Variants in SCN10A observed in about 807,000 individuals in gnomAD.
The protein encoded by SCN10A is sodium channel protein type 10 subunit alpha.
In SCN10A, 162 loss-of-function variants were observed where a neutral mutation model predicts 170.7. The observed-to-expected ratio is 0.95, with a 90% confidence interval of 0.84 to 1.08. The LOEUF is 1.08. SCN10A is among the 50% of genes least tolerant of loss of function. SCN10A has a pLI of 0.00. For missense variants in SCN10A, 2,527 were observed against 2,436.9 expected, an observed-to-expected ratio of 1.04 and a Z score of -0.78; for synonymous variants, 985 against 904.6, an observed-to-expected ratio of 1.09 and a Z score of -1.59.
intron 4 of SCN10A, among the ~76,000 whole-genome samples, chr3:38,772,837 A>G (rs2064025573): frequency 6.6e-6 from 1 of 152,246 alleles, no homozygotes; most frequent in Non-Finnish European, 1.5e-5. Context: ...GTACCTTCAA[A>G]GACAAAATGG....
intron 1 of SCN10A, among the ~76,000 whole-genome samples, chr3:38,798,465 A>C (rs1255871955): frequency 6.6e-6 from 1 of 152,178 alleles, no homozygotes; most frequent in Admixed American, 6.6e-5. Context: ...CTTAATTGGG[A>C]ATCCCTATTT....
In SCN10A at chr3:38,697,883, T is replaced by G. The variant is rs773667417; in HGVS notation, c.5337A>C (p.Lys1779Asn). The G allele has an allele frequency of 2.5e-6, 4 of 1,613,802 alleles. No individual in the cohort carries two copies. The Admixed American group carries it at 6.7e-5, about 27-fold the overall frequency. Reference protein sequence around the residue: ...DTLSGPLRIPKPNRNILIQMD... With the variant: ...DTLSGPLRIPNPNRNILIQMD... ...TCTGGATCAGTATATTTCGATTGGG[T>G]TTTGGGATTCTCAGGGGACCAGAGA... Residue 1779 changes from lysine to asparagine, a missense_variant, in exon 28 of 28, where the codon AAA becomes AAC. By Grantham distance (94) the Lys-to-Asn change is moderately conservative. Coordinates refer to ENST00000449082, the MANE Select transcript of SCN10A (RefSeq NM_006514.4).
At chr3:38,737,842 T>TTTCTTTC (rs2063586745) in intron 15 of SCN10A, among the ~76,000 whole-genome samples, 2 of 145,790 alleles carry the variant, frequency 1.4e-5, no homozygotes, top group African/African-American at 5.0e-5. Flanking sequence ...CTCTTTCTTC[T>TTTCTTTC]TTCTTTCTTT....
intron 4 of SCN10A, among the ~76,000 whole-genome samples, chr3:38,777,028 T>C (rs1402540546): frequency 6.6e-6 from 1 of 151,980 alleles, no homozygotes; most frequent in Non-Finnish European, 1.5e-5. Flanking sequence ...AAAAAATTGA[T>C]ATAAAAAGTA....
chr3:38,742,439 T>C lies in SCN10A; in HGVS notation c.1958A>G (p.Lys653Arg). The stretch of plus-strand genomic sequence containing the variant: ...AAGCCCAAAGAGAATTGTCTTGAGC[T>C]TCACCCACATGGGGCAGCAATCCCA... ...LIWDCCPMWV[K>R]LKTILFGLVT... The change falls in exon 14 of 28, where the codon AAG (lysine) becomes AGG (arginine). Residue 653 changes from lysine to arginine, a missense_variant. Lys to Arg is a conservative substitution (Grantham distance 26). Coordinates refer to ENST00000449082, the MANE Select transcript of SCN10A (RefSeq NM_006514.4). 6.2e-7 allele frequency: 1 copy of C among 1,614,156 alleles called. No homozygotes were observed. The highest frequency in any genetic ancestry group is 8.5e-7 in the Non-Finnish European group (1 of 1,180,020).
At chr3:38,787,565 G>GT (rs918241973) in intron 4 of SCN10A, among the ~76,000 whole-genome samples, 19 of 149,140 alleles carry the variant, frequency 1.3e-4, no homozygotes, top group Middle Eastern at 3.2e-3. Flanking sequence ...GACATCTTTG[G>GT]TTTTTTTTTC....
intron 4 of SCN10A, among the ~76,000 whole-genome samples, chr3:38,776,537 G>A (rs1420816374): frequency 6.6e-6 from 1 of 152,072 alleles, no homozygotes; most frequent in Non-Finnish European, 1.5e-5. Flanking sequence ...CATTATGAAT[G>A]AAATCAGTTT....
At chr3:38,702,323 C>T (rs1324648511) in intron 26 of SCN10A, among the ~76,000 whole-genome samples, 9 of 152,230 alleles carry the variant, frequency 5.9e-5, no homozygotes, top group Admixed American at 5.2e-4. Flanking sequence ...TTGATGCCAC[C>T]AGGCCCTTCT....
At chr3:38,756,600 G>A in intron 10 of SCN10A, 74 bp downstream of exon 10, 3 of 1,233,698 alleles carry the variant, frequency 2.4e-6, no homozygotes, top group African/African-American at 1.5e-5. Context: ...CCTAATTGAA[G>A]TGGCTAGTCC....
At chr3:38,751,099 C>T (rs1559442924) in intron 12 of SCN10A, among the ~76,000 whole-genome samples, 1 of 152,178 alleles carries the variant, frequency 6.6e-6, no homozygotes, top group Non-Finnish European at 1.5e-5. Flanking sequence ...GCAGGACATT[C>T]AAGGATAGAA....
intron 26 of SCN10A, among the ~76,000 whole-genome samples, chr3:38,702,621 A>G (rs1303308152): frequency 6.6e-6 from 1 of 152,250 alleles, no homozygotes; most frequent in Admixed American, 6.5e-5. Context: ...AGTGCCCTGC[A>G]CATTGCAAGA....
intron 8 of SCN10A, 53 bp downstream of exon 8, chr3:38,760,628 G>T: frequency 7.3e-7 from 1 of 1,366,260 alleles, no homozygotes; most frequent in Non-Finnish European, 1.0e-6. Context: ...CCAAGGACAA[G>T]ATGGAGAAGG....
At chr3:38,717,061 TG>T (rs2063340972) in intron 21 of SCN10A, among the ~76,000 whole-genome samples, 1 of 152,126 alleles carries the variant, frequency 6.6e-6, no homozygotes, top group Non-Finnish European at 1.5e-5. Context: ...GTTAGATGAT[TG>T]GACAGTTGGA....
At chr3:38,706,578 T>C (rs1332451570) in intron 26 of SCN10A, among the ~76,000 whole-genome samples, 1 of 152,182 alleles carries the variant, frequency 6.6e-6, no homozygotes, top group Non-Finnish European at 1.5e-5. Flanking sequence ...AGTGCTATCT[T>C]AGGGCCTCTC....
chr3:38,756,644 T>C lies in SCN10A; in HGVS notation c.1290+30A>G, dbSNP rs772336808. ...ATCCAAGAATGGACAGTCTGCAACC[T>C]TCTTCACAAAGCTTCCACTCCTCAC... On this transcript the variant is annotated intron_variant, in intron 10 of 27. Transcript: ENST00000449082. The C allele has an allele frequency of 6.3e-6, 10 of 1,588,626 alleles. No homozygotes were observed. The African/African-American group carries it at 1.3e-4, about 21-fold the overall frequency.
intron 21 of SCN10A, among the ~76,000 whole-genome samples, chr3:38,718,037 G>A (rs1347551908): frequency 7.9e-5 from 12 of 152,202 alleles, no homozygotes. Context: ...CTCTCCAAAT[G>A]CGCCCTCTGT....
intron 20 of SCN10A, among the ~76,000 whole-genome samples, chr3:38,721,331 C>T (rs879360139): frequency 6.6e-6 from 1 of 152,164 alleles, no homozygotes; most frequent in Admixed American, 6.5e-5. Context: ...TTAGCTGCCA[C>T]CCTGAACTCT....
At chr3:38,774,934 T>C (rs184937383) in intron 4 of SCN10A, among the ~76,000 whole-genome samples, 504 of 152,268 alleles carry the variant, frequency 3.3e-3, no homozygotes, top group African/African-American at 0.012. Flanking sequence ...CCCAGCTGCG[T>C]TCCGTGAATA....
chr3:38,783,685 TGTCCACAA>T (rs2064165226), intron 4 of SCN10A, among the ~76,000 whole-genome samples: 1 of 152,130 alleles, frequency 6.6e-6, no homozygotes, highest in South Asian at 2.1e-4. Context: ...TGTAATCTGG[TGTCCACAA>T]GTACATATTT....
Sources: allele counts gnomAD v4.1 joint callset (sites outside exome capture counted in the v4.1 genomes callset), GRCh38; gene constraint gnomAD v4.1.1; transcripts MANE v1.5; gene names NCBI Gene and HGNC (gene_info 2026-07-23, HGNC 2026-07-21).